Variants in CDH12 observed in about 807,000 individuals in gnomAD.
CDH12 encodes cadherin-12.
CDH12 carries 41 observed loss-of-function variants against 74.1 expected under a neutral mutation model. The observed-to-expected ratio is 0.55, with a 90% confidence interval of 0.43 to 0.72. The LOEUF is 0.72. Among genes scored for constraint, CDH12 ranks in the 30% least tolerant of loss-of-function variants. The pLI is 0.00. For synonymous variants in CDH12, 399 were observed against 355.0 expected (o/e 1.12, Z -1.39); for missense variants, 945 against 977.2 (o/e 0.97, Z 0.44).
chr5:22,239,221 T>A (rs1752663094), intron 3 of CDH12, among the ~76,000 whole-genome samples: 1 of 152,202 alleles, frequency 6.6e-6, no homozygotes, highest in Non-Finnish European at 1.5e-5. Context: ...TCAGAAGCAT[T>A]GAGATTTCCT....
intron 8 of CDH12, among the ~76,000 whole-genome samples, chr5:21,841,622 T>C (rs1749858110): frequency 6.6e-6 from 1 of 150,830 alleles, no homozygotes; most frequent in African/African-American, 2.4e-5. Context: ...TGTCCAACAA[T>C]GATAGACTGG....
chr5:22,801,280 T>G (rs1217877714), intron 1 of CDH12, among the ~76,000 whole-genome samples: 3 of 152,084 alleles, frequency 2.0e-5, no homozygotes, highest in Non-Finnish European at 4.4e-5. Flanking sequence ...TTGAAAAGAA[T>G]TCAGTACATC....
chr5:21,962,515 G>T (rs1756404401), intron 6 of CDH12, among the ~76,000 whole-genome samples: 1 of 151,758 alleles, frequency 6.6e-6, no homozygotes, highest in African/African-American at 2.4e-5. Context: ...TCAATGCCTG[G>T]GTCATTATCA....
chr5:22,556,272 T>C (rs1476076196), intron 1 of CDH12, among the ~76,000 whole-genome samples: 1 of 152,030 alleles, frequency 6.6e-6, no homozygotes, highest in Non-Finnish European at 1.5e-5. Context: ...CTAAGATCCA[T>C]GAAGTAAGGC....
chr5:22,809,832 G>T (rs1331250745), intron 1 of CDH12, among the ~76,000 whole-genome samples: 1 of 151,930 alleles, frequency 6.6e-6, no homozygotes, highest in African/African-American at 2.4e-5. Flanking sequence ...AAATATTTCT[G>T]TGAAATTATC....
intron 1 of CDH12, among the ~76,000 whole-genome samples, chr5:22,762,613 T>C (rs1746285595): frequency 6.6e-6 from 1 of 151,680 alleles, no homozygotes; most frequent in Non-Finnish European, 1.5e-5. Context: ...AGCTAAAGGA[T>C]TGGGACTGAG....
At position 22,634,976 on chromosome 5, in the gene CDH12, AT is replaced by A. The variant is rs70959747; in HGVS notation, c.-522-129613del. ...CAATCTCTACCAAAATCACAGTTGGATTTTTTTTTTTTTGGCAGAAATTGTC... is the reference window on the plus strand; with the variant it reads ...CAATCTCTACCAAAATCACAGTTGGATTTTTTTTTTTTGGCAGAAATTGTC... On this transcript the variant is annotated intron_variant, in intron 1 of 14. Coordinates refer to ENST00000382254, the MANE Select transcript of CDH12 (RefSeq NM_004061.5). 3.0e-3 allele frequency among the ~76,000 whole-genome samples: 434 copies of A among 146,260 alleles called. 2 individuals carry two copies. The highest frequency in any genetic ancestry group is 5.4e-3 in the African/African-American group (216 of 40,170).
At chr5:22,847,947 G>C (rs764764808) in intron 1 of CDH12, among the ~76,000 whole-genome samples, 3 of 151,438 alleles carry the variant, frequency 2.0e-5, no homozygotes, top group African/African-American at 7.3e-5. Flanking sequence ...GCAATGGTGC[G>C]ATCTCGGCTC....
chr5:22,661,835 C>A (rs776143169), intron 1 of CDH12, among the ~76,000 whole-genome samples: 2 of 152,056 alleles, frequency 1.3e-5, no homozygotes, highest in Non-Finnish European at 2.9e-5. Flanking sequence ...GCTACCTCCC[C>A]TCACATCTTT....
intron 6 of CDH12, among the ~76,000 whole-genome samples, chr5:21,954,813 A>T (rs898903570): frequency 2.6e-5 from 4 of 152,080 alleles, no homozygotes; most frequent in African/African-American, 9.7e-5. Flanking sequence ...TTGTCTTAGT[A>T]GCTTTTATTC....
chr5:22,116,317 T>C (rs886443973), intron 4 of CDH12, among the ~76,000 whole-genome samples: 1 of 152,142 alleles, frequency 6.6e-6, no homozygotes, highest in Non-Finnish European at 1.5e-5. Context: ...AGTCCCACAG[T>C]TGAATTTACC....
At chr5:22,020,458 G>T (rs1031865333) in intron 5 of CDH12, among the ~76,000 whole-genome samples, 1 of 151,870 alleles carries the variant, frequency 6.6e-6, no homozygotes, top group South Asian at 2.1e-4. Context: ...GGGGGCTGAG[G>T]CAGGGGAATC....
intron 3 of CDH12, among the ~76,000 whole-genome samples, chr5:22,340,697 C>T (rs1187437292): frequency 6.6e-6 from 1 of 152,050 alleles, no homozygotes; most frequent in Non-Finnish European, 1.5e-5. Context: ...GTTAAATATT[C>T]TATAGACAAT....
intron 3 of CDH12, among the ~76,000 whole-genome samples, chr5:22,398,415 A>G (rs993431286): frequency 3.9e-5 from 6 of 152,124 alleles, no homozygotes; most frequent in Non-Finnish European, 5.9e-5. Flanking sequence ...CTAGCTAGGA[A>G]TAACACAAAT....
chr5:22,391,002 A>G (rs557790533), intron 3 of CDH12, among the ~76,000 whole-genome samples: 116 of 152,310 alleles, frequency 7.6e-4, no homozygotes, highest in African/African-American at 2.7e-3. Context: ...ATTCTATGAT[A>G]GAGTGAACTA....
chr5:22,391,896 T>A (rs2126420637), intron 3 of CDH12, among the ~76,000 whole-genome samples: 1 of 152,142 alleles, frequency 6.6e-6, no homozygotes, highest in Non-Finnish European at 1.5e-5. Flanking sequence ...TTTTTAAAAA[T>A]AAAAATAATA....
intron 5 of CDH12, among the ~76,000 whole-genome samples, chr5:22,026,484 A>G (rs1430691973): frequency 6.6e-6 from 1 of 152,210 alleles, no homozygotes. Context: ...ACCTGATGCT[A>G]TGACAGTTCC....
chr5:22,241,882 C>A (rs1037991162), intron 3 of CDH12, among the ~76,000 whole-genome samples: 1 of 151,822 alleles, frequency 6.6e-6, no homozygotes, highest in Non-Finnish European at 1.5e-5. Context: ...GAAGTAATAT[C>A]TGGAATTTCC....
At chr5:22,237,948 T>C (rs1752617979) in intron 3 of CDH12, among the ~76,000 whole-genome samples, 1 of 152,212 alleles carries the variant, frequency 6.6e-6, no homozygotes, top group Non-Finnish European at 1.5e-5. Context: ...CAGCTAAAAT[T>C]ACCTCCAAGT....
Sources: gnomAD v4.1 joint callset for allele counts (sites outside exome capture counted in the v4.1 genomes callset) on GRCh38, gnomAD v4.1.1 for gene constraint, MANE v1.5 for transcripts, NCBI Gene and HGNC (gene_info 2026-07-23, HGNC 2026-07-21) for gene names.